The following PRC1 variants were observed in gnomAD, a reference collection of about 807,000 sequenced individuals.
PRC1 encodes the protein protein regulator of cytokinesis 1.
A neutral mutation model predicts 91.2 loss-of-function variants in PRC1; 54 were observed. The observed-to-expected ratio is 0.59, with a 90% CI of 0.48 to 0.74. The LOEUF is 0.74. Ranked by LOEUF, PRC1 falls within the 30% of genes least tolerant of loss-of-function variation. The pLI, the probability that PRC1 is intolerant of heterozygous loss-of-function variation, is 0.00. For synonymous variants in PRC1, 275 were observed against 263.6 expected, an observed-to-expected ratio of 1.04 and a Z score of -0.42; for missense variants, 727 against 746.2, an observed-to-expected ratio of 0.97 and a Z score of 0.30.
At chr15:90,969,910 C>T (rs1275060996) in intron 12 of PRC1, among the ~76,000 whole-genome samples, 13 of 151,892 alleles carry the variant, frequency 8.6e-5, no homozygotes, top group Admixed American at 8.5e-4. Flanking sequence ...TAGCAAAACA[C>T]TGTCTCTAGA....
intron 1 of PRC1, among the ~76,000 whole-genome samples, chr15:90,990,508 G>A (rs1306289851): frequency 6.6e-6 from 1 of 151,396 alleles, no homozygotes; most frequent in Non-Finnish European, 1.5e-5. Flanking sequence ...TTATAGGTGT[G>A]CGCCACCTTG....
chr15:90,970,463 T>G lies in PRC1; in HGVS notation c.1513A>C (p.Ile505Leu), dbSNP rs1372437001. 1.2e-6 allele frequency: 2 copies of G among 1,613,914 alleles called. No individual in the cohort carries two copies. Among genetic ancestry groups the G allele is most frequent in the African/African-American group, 1.3e-5 (1 of 75,004 alleles). The change falls in exon 12 of 15, where the codon ATC becomes CTC. Residue 505 changes from isoleucine (I) to leucine (L), a missense_variant. Physicochemically the swap from Ile to Leu is conservative, Grantham distance 5. Transcript: ENST00000394249. ...GAGTGGTAGACTGTCCCTCCAAAGATAGGCCGAATGCTACTATTGGCCGTA... is the reference window on the plus strand; with the variant it reads ...GAGTGGTAGACTGTCCCTCCAAAGAGAGGCCGAATGCTACTATTGGCCGTA... ...NATANSSIRP[I>L]FGGTVYHSPV...
chr15:90,968,852 G>A (rs897618585), intron 14 of PRC1: 17 of 1,353,934 alleles, frequency 1.3e-5, no homozygotes, highest in Non-Finnish European at 1.6e-5. Flanking sequence ...TTAAAACTGT[G>A]CCTGACTTTA....
intron 5 of PRC1, 87 bp from the exon 6 acceptor site, chr15:90,981,120 T>C (rs1596312775): frequency 6.5e-7 from 1 of 1,543,574 alleles, no homozygotes; most frequent in African/African-American, 1.4e-5. Flanking sequence ...ATGTCTGGAG[T>C]AGAGGAGGAG....
chr15:90,994,322 C>CG, intron 1 of PRC1, 85 bp downstream of exon 1: 1 of 1,588,428 alleles, frequency 6.3e-7, no homozygotes, highest in South Asian at 1.1e-5. Flanking sequence ...GGACCCCGCA[C>CG]GGGTCCCGCA....
At chr15:90,969,386 C>T (rs2037848770) in intron 13 of PRC1, 61 bp downstream of exon 13, 1 of 1,524,340 alleles carries the variant, frequency 6.6e-7, no homozygotes, top group South Asian at 1.3e-5. Context: ...TGGGAAGATA[C>T]CCACTCTGCC....
At position 90,981,876 on chromosome 15, in the gene PRC1, G is replaced by C; in HGVS notation, c.373C>G (p.Gln125Glu). ...TCGCACAGTTCTTGATCTTGCTCTT[G>C]AAGTAGCTTCAGTTCCTGTTTTCTC... ...KERKQELKLL[Q>E]EQDQELCEIL... Residue 125 changes from glutamine (Q) to glutamate (E), a missense_variant, in exon 4 of 15, where the codon CAA (glutamine) becomes GAA (glutamate). Coordinates refer to ENST00000394249, the MANE Select transcript of PRC1 (RefSeq NM_003981.4). 6.2e-7 allele frequency: 1 copy of C among 1,614,238 alleles called. No individual in the cohort carries two copies. The highest frequency in any genetic ancestry group is 1.1e-5 in the South Asian group (1 of 91,082).
In PRC1 at chr15:90,970,665, A is replaced by G. The variant is rs2038042883; in HGVS notation, c.1462-151T>C. 7 of 578,490 alleles carry G rather than the reference A, an allele frequency of 1.2e-5. 1 individual carries two copies. The South Asian group carries it at 1.6e-4, about 13-fold the overall frequency. The allele number at this position is 578,490 out of a possible 1,614,324, so 35.8% of individuals were successfully genotyped here. ...AAGGGCCTGCTGTGTCTAATACTGCATAGATTTGAAGTAACTTGTGAAAAA... is the reference window on the plus strand; with the variant it reads ...AAGGGCCTGCTGTGTCTAATACTGCGTAGATTTGAAGTAACTTGTGAAAAA... On this transcript the variant is annotated intron_variant, in intron 11 of 14. Coordinates refer to ENST00000394249, the MANE Select transcript of PRC1 (RefSeq NM_003981.4).
At chr15:90,970,631 T>TAA in intron 11 of PRC1, 117 bp from the exon 12 acceptor site, 1 of 727,214 alleles carries the variant, frequency 1.4e-6, no homozygotes, top group Middle Eastern at 2.5e-4. Flanking sequence ...AAGACGGGTT[T>TAA]ACATGGTGAA....
intron 8 of PRC1, among the ~76,000 whole-genome samples, chr15:90,978,869 C>G (rs989259241): frequency 6.6e-6 from 1 of 151,644 alleles, no homozygotes; most frequent in Non-Finnish European, 1.5e-5. Flanking sequence ...GCCGGAGAAG[C>G]CTGGGGTCCT....
At chr15:90,983,199 T>C (rs1444484185) in intron 3 of PRC1, among the ~76,000 whole-genome samples, 1 of 152,222 alleles carries the variant, frequency 6.6e-6, no homozygotes, top group Non-Finnish European at 1.5e-5. Context: ...CTACCAAGTA[T>C]GAATTATCCT....
chr15:90,967,034 A>G lies in PRC1; in HGVS notation c.*97T>C, dbSNP rs112421496. ...GGTCATGGAACCTGGCCAAGGTTTC[A>G]AGCACGCCTAAGCTGAAGAAAAACT... On this transcript the variant is annotated 3_prime_UTR_variant, in exon 15 of 15. Coordinates refer to ENST00000394249, the MANE Select transcript of PRC1 (RefSeq NM_003981.4). The G allele has an allele frequency of 9.1e-7, 1 of 1,095,230 alleles. No homozygotes were observed. The highest frequency in any genetic ancestry group is 2.0e-5 in the Admixed American group (1 of 51,040). 67.8% of individuals were successfully genotyped at this position (1,095,230 alleles called of 1,614,324 possible).
At chr15:90,994,362 G>A in intron 1 of PRC1, 45 bp downstream of exon 1, 1 of 1,611,880 alleles carries the variant, frequency 6.2e-7, no homozygotes, top group Non-Finnish European at 8.5e-7. Context: ...GCCGAAACGA[G>A]CGTCGCTCCC....
At chr15:90,970,707 C>T (rs2038047179) in intron 11 of PRC1, among the ~76,000 whole-genome samples, 193 bp from the exon 12 acceptor site, 1 of 152,226 alleles carries the variant, frequency 6.6e-6, no homozygotes, top group African/African-American at 2.4e-5. Context: ...AAGCCTATTG[C>T]TATCCAGCAA....
intron 1 of PRC1, chr15:90,988,493 A>G (rs1284470314): frequency 2.6e-5 from 4 of 152,258 alleles, no homozygotes; most frequent in Non-Finnish European, 5.9e-5. Context: ...CCTTCTGTAG[A>G]AAGGCCTTCT....
Position 90,980,365 on chromosome 15 carries a change from C to T in PRC1, c.847G>A (p.Glu283Lys). The change falls in exon 7 of 15, where the codon GAA becomes AAA. Residue 283 changes from glutamate (E) to lysine (K), a missense_variant. Physicochemically the swap from Glu to Lys is moderately conservative, Grantham distance 56. Transcript: ENST00000394249. ...KALQLEVDRLEELKMQNMKKV... is the reference protein window; with the variant it reads ...KALQLEVDRLKELKMQNMKKV... ...TTCATGTTTTGCATTTTCAGTTCTT[C>T]CAACCGATCCACTTCTAATTGCAGC... 2 of 1,613,940 alleles carry T rather than the reference C, an allele frequency of 1.2e-6. No individual in the cohort carries two copies. Among genetic ancestry groups the T allele is most frequent in the Non-Finnish European group, 1.7e-6 (2 of 1,179,998 alleles).
At chr15:90,975,479 A>G (rs966157759) in intron 9 of PRC1, among the ~76,000 whole-genome samples, 8 of 152,208 alleles carry the variant, frequency 5.3e-5, no homozygotes, top group African/African-American at 1.9e-4. Context: ...ACGAATCACT[A>G]AATGAGAGCG....
chr15:90,993,320 T>C (rs1163098644), intron 1 of PRC1, among the ~76,000 whole-genome samples: 1 of 151,030 alleles, frequency 6.6e-6, no homozygotes, highest in Admixed American at 6.6e-5. Context: ...GCGATTCTCC[T>C]GCCTCAGCCT....
chr15:90,979,702 G>A (rs1332013035), intron 7 of PRC1, among the ~76,000 whole-genome samples: 1 of 152,208 alleles, frequency 6.6e-6, no homozygotes, highest in Middle Eastern at 3.2e-3. Context: ...GCATTCAACT[G>A]GACTCCAGGA....
Sources: gnomAD v4.1 joint callset for allele counts (sites outside exome capture counted in the v4.1 genomes callset) on GRCh38, gnomAD v4.1.1 for gene constraint, MANE v1.5 for transcripts, NCBI Gene and HGNC (gene_info 2026-07-23, HGNC 2026-07-21) for gene names.